Variants in KCNG2 observed in about 807,000 individuals in gnomAD.
KCNG2 encodes potassium voltage-gated channel modifier subfamily G member 2.
KCNG2 carries 7 observed loss-of-function variants against 12.3 expected under a neutral mutation model. That is an observed-to-expected ratio of 0.57 (90% CI 0.32 to 1.07). KCNG2 has a LOEUF of 1.07. Ranked by LOEUF, KCNG2 falls within the 50% of genes least tolerant of loss-of-function variation. The pLI is 0.04. For missense variants in KCNG2, 703 were observed against 726.0 expected (o/e 0.97, Z 0.36); for synonymous variants, 414 against 351.4 (o/e 1.18, Z -1.99).
chr18:79,857,510 C>G (rs537402028), intron 2 of KCNG2, among the ~76,000 whole-genome samples: 14 of 152,034 alleles, frequency 9.2e-5, no homozygotes, highest in Middle Eastern at 3.4e-3. Flanking sequence ...TAATGAATCA[C>G]ACGCTTGGGT....
chr18:79,895,006 C>A (rs1010112452), intron 3 of KCNG2, among the ~76,000 whole-genome samples: 1 of 151,568 alleles, frequency 6.6e-6, no homozygotes, highest in Non-Finnish European at 1.5e-5. Context: ...CCATTCACAT[C>A]TAGTGTTACG....
In KCNG2 at chr18:79,858,791, T is replaced by C. The variant is rs551542787; in HGVS notation, c.-41+2339T>C. Among the ~76,000 whole-genome samples, 3 of 152,358 alleles carry C rather than the reference T, an allele frequency of 2.0e-5. No individual in the cohort carries two copies. The South Asian group carries it at 6.2e-4, about 32-fold the overall frequency. ...CCCTAGTGGATGTGAAGTGGTATCTTGTAGTTTTAATTTACGTTTCCATAA... is the reference window on the plus strand; with the variant it reads ...CCCTAGTGGATGTGAAGTGGTATCTCGTAGTTTTAATTTACGTTTCCATAA... On this transcript the variant is annotated intron_variant, in intron 2 of 3. Coordinates refer to ENST00000316249, the MANE Select transcript of KCNG2 (RefSeq NM_012283.2).
intron 1 of KCNG2, among the ~76,000 whole-genome samples, chr18:79,805,386 G>C (rs916206437): frequency 1.3e-5 from 2 of 152,196 alleles, no homozygotes; most frequent in African/African-American, 4.8e-5. Flanking sequence ...GGCCTGCCGC[G>C]CACTCGGGAT....
At chr18:79,882,736 A>G (rs78998488) in intron 3 of KCNG2, among the ~76,000 whole-genome samples, 9 of 151,390 alleles carry the variant, frequency 5.9e-5, no homozygotes, top group Admixed American at 6.6e-5. Context: ...CGAGGCTGCC[A>G]TGGAGTGGCG....
intron 1 of KCNG2, among the ~76,000 whole-genome samples, chr18:79,832,153 C>T (rs1978299609): frequency 6.6e-6 from 1 of 151,892 alleles, no homozygotes; most frequent in South Asian, 2.1e-4. Flanking sequence ...CGTCCTCACC[C>T]ATGAGACCTC....
intron 1 of KCNG2, among the ~76,000 whole-genome samples, chr18:79,825,936 C>G (rs1365807034): frequency 6.6e-6 from 1 of 152,252 alleles, no homozygotes; most frequent in East Asian, 1.9e-4. Flanking sequence ...GCGCGGACAC[C>G]TGTCGCCCTC....
intron 1 of KCNG2, among the ~76,000 whole-genome samples, chr18:79,852,622 G>A (rs1380736380): frequency 3.3e-5 from 5 of 152,260 alleles, no homozygotes; most frequent in Non-Finnish European, 2.9e-5. Context: ...CGCATTCCTC[G>A]AAGATCACCG....
chr18:79,867,764 C>G (rs148052108), intron 3 of KCNG2, among the ~76,000 whole-genome samples: 2 of 151,936 alleles, frequency 1.3e-5, no homozygotes, highest in Non-Finnish European at 2.9e-5. Flanking sequence ...GAGCACCCCA[C>G]CAGGTGGGGG....
rs1339287200 is a variant in KCNG2 at position 79,803,764 on chromosome 18, G to A, written c.-115+5750G>A. Reference sequence around the variant, plus strand: ...GGCCCTCCTGCGTCTCCCGACCACAGGCCCCAGTCCCGGCCAAGGTTCCAG... The same window carrying A: ...GGCCCTCCTGCGTCTCCCGACCACAAGCCCCAGTCCCGGCCAAGGTTCCAG... On this transcript the variant is annotated intron_variant, in intron 1 of 3. Coordinates refer to ENST00000316249, the MANE Select transcript of KCNG2 (RefSeq NM_012283.2). The surrounding 1 kb of genome is among the most constrained non-coding windows in gnomAD (Gnocchi z 4.5). Among the ~76,000 whole-genome samples the A allele has an allele frequency of 6.6e-6, 1 of 152,220 alleles. No homozygotes were observed. The highest frequency in any genetic ancestry group is 6.5e-5 in the Admixed American group (1 of 15,280).
chr18:79,866,778 A>AGAGGTCTAGGTGCTGAGGTCTGGG (rs1979588237), intron 3 of KCNG2, among the ~76,000 whole-genome samples: 3 of 68,482 alleles, frequency 4.4e-5, no homozygotes, highest in African/African-American at 5.1e-5. Context: ...AGAGGTCTGT[A>AGAGGTCTAGGTGCTGAGGTCTGGG]TGCTGAGAGG....
Position 79,864,095 on chromosome 18 carries a change from A to C in KCNG2, c.428A>C (p.Gln143Pro). Residue 143 changes from glutamine to proline, a missense_variant, in exon 3 of 4, where the codon CAG (glutamine) becomes CCG (proline). Gln to Pro is a moderately conservative substitution (Grantham distance 76, BLOSUM62 -1). Transcript: ENST00000316249. The stretch of plus-strand genomic sequence containing the variant: ...GCGGGGCCGACGGAGCGCGGGGCGC[A>C]GGGGAGCCCGGCGCGCGCCCTGGGA... ...ARAGPTERGA[Q>P]GSPARALGPR... is the part of the protein sequence containing the mutation. The C allele has an allele frequency of 9.2e-7, 1 of 1,088,334 alleles. No individual in the cohort carries two copies. Among genetic ancestry groups the C allele is most frequent in the Non-Finnish European group, 1.1e-6 (1 of 898,380 alleles). 67.4% of individuals were successfully genotyped at this position (1,088,334 alleles called of 1,614,324 possible).
intron 2 of KCNG2, among the ~76,000 whole-genome samples, chr18:79,861,076 C>T (rs1979198792): frequency 1.3e-5 from 2 of 152,106 alleles, no homozygotes; most frequent in South Asian, 2.1e-4. Flanking sequence ...TTGAAATTAT[C>T]GCATGATTTT....
intron 1 of KCNG2, among the ~76,000 whole-genome samples, chr18:79,819,606 G>A (rs1023565925): frequency 6.6e-6 from 1 of 152,242 alleles, no homozygotes; most frequent in African/African-American, 2.4e-5. Flanking sequence ...GGTGAGCTGA[G>A]CGCTCAGCCA....
Position 79,899,731 on chromosome 18 carries a change from C to T in KCNG2, c.1316C>T (p.Ala439Val). 6.3e-7 allele frequency: 1 copy of T among 1,596,902 alleles called. No homozygotes were observed. Among genetic ancestry groups the T allele is most frequent in the Non-Finnish European group, 8.5e-7 (1 of 1,175,042 alleles). ...GAGGACAGCACGCACTCGGCCACAG[C>T]CACCGAGGACAGCTCGCAGGGCCCC... is the stretch of plus-strand genomic sequence containing the variant. ...LQEDSTHSAT[A>V]TEDSSQGPDS... Residue 439 changes from alanine to valine, a missense_variant, in exon 4 of 4, where the codon GCC becomes GTC. By Grantham distance (64) the Ala-to-Val change is moderately conservative (BLOSUM62 0). Coordinates refer to ENST00000316249, the MANE Select transcript of KCNG2 (RefSeq NM_012283.2).
chr18:79,835,948 CATG>C (rs779316226), intron 1 of KCNG2, among the ~76,000 whole-genome samples: 4 of 152,054 alleles, frequency 2.6e-5, no homozygotes, highest in Non-Finnish European at 4.4e-5. Context: ...CACAGGGAAA[CATG>C]AAGAAGAAAA....
At chr18:79,812,884 A>C (rs910247177) in intron 1 of KCNG2, among the ~76,000 whole-genome samples, 6 of 151,900 alleles carry the variant, frequency 3.9e-5, no homozygotes, top group Non-Finnish European at 8.8e-5. Flanking sequence ...TAGGCCAGGC[A>C]CAGTGGCTCA....
At position 79,803,288 on chromosome 18, in the gene KCNG2, G is replaced by A. The variant is rs1177602079; in HGVS notation, c.-115+5274G>A. On this transcript the variant is annotated intron_variant, in intron 1 of 3. Coordinates refer to ENST00000316249, the MANE Select transcript of KCNG2 (RefSeq NM_012283.2). The surrounding 1 kb of genome is among the most constrained non-coding windows in gnomAD (Gnocchi z 4.5). ...CAGCTCTTTCACCTCTGTAGTCACA[G>A]GGCAGGGCCAGCCCCCTCACCTCTA... 6.6e-6 allele frequency among the ~76,000 whole-genome samples: 1 copy of A among 152,186 alleles called. No individual in the cohort carries two copies. The highest frequency in any genetic ancestry group is 1.9e-4 in the East Asian group (1 of 5,198).
intron 3 of KCNG2, among the ~76,000 whole-genome samples, 179 bp from the exon 4 acceptor site, chr18:79,898,861 G>A (rs1981075437): frequency 1.3e-5 from 2 of 152,266 alleles, no homozygotes; most frequent in African/African-American, 4.8e-5. Context: ...AAATCTTGCT[G>A]GTTTTCTGGG....
intron 1 of KCNG2, among the ~76,000 whole-genome samples, chr18:79,814,223 G>T (rs145979148): frequency 1.3e-5 from 2 of 152,142 alleles, no homozygotes; most frequent in Non-Finnish European, 2.9e-5. Context: ...TGTCACTCCC[G>T]TATGACCCAG....
Sources: allele counts gnomAD v4.1 joint callset (sites outside exome capture counted in the v4.1 genomes callset), GRCh38; gene constraint gnomAD v4.1.1; non-coding constraint Gnocchi (gnomAD v3.1); transcripts MANE v1.5; gene names NCBI Gene and HGNC (gene_info 2026-07-23, HGNC 2026-07-21).